The following SHQ1 variants were observed in gnomAD, a reference collection of about 807,000 sequenced individuals.
SHQ1 encodes protein SHQ1 homolog.
A neutral mutation model predicts 53.8 loss-of-function variants in SHQ1; 49 were observed. The observed-to-expected ratio is 0.91, with a 90% CI of 0.72 to 1.16. SHQ1 has a LOEUF of 1.16. SHQ1 is among the 50% of genes most tolerant of loss of function. The probability of loss-of-function intolerance (pLI) is 0.00; values close to 1 mark genes in which losing one functional copy is unlikely to be tolerated. For synonymous variants in SHQ1, 243 were observed against 251.0 expected, an observed-to-expected ratio of 0.97 and a Z score of 0.30; for missense variants, 738 against 683.1, an observed-to-expected ratio of 1.08 and a Z score of -0.90.
intron 10 of SHQ1, among the ~76,000 whole-genome samples, chr3:72,790,219 G>C (rs1212621639): frequency 1.3e-5 from 2 of 152,144 alleles, no homozygotes; most frequent in African/African-American, 2.4e-5. Context: ...ATATCATAGG[G>C]AAAAATAACA....
intron 10 of SHQ1, among the ~76,000 whole-genome samples, chr3:72,757,415 A>G (rs1432604526): frequency 7.2e-6 from 1 of 138,280 alleles, no homozygotes; most frequent in Non-Finnish European, 1.5e-5. Flanking sequence ...ATGGGGTCTC[A>G]CTGCATTGCC....
At chr3:72,809,342 T>C (rs1033462233) in intron 9 of SHQ1, among the ~76,000 whole-genome samples, 1 of 152,140 alleles carries the variant, frequency 6.6e-6, no homozygotes, top group Non-Finnish European at 1.5e-5. Flanking sequence ...GTAAAAGAAC[T>C]TTTTTAAAAT....
intron 10 of SHQ1, among the ~76,000 whole-genome samples, chr3:72,756,401 G>A (rs1275924426): frequency 2.6e-5 from 4 of 152,044 alleles, no homozygotes; most frequent in Non-Finnish European, 4.4e-5. Flanking sequence ...TCAGCCTCCC[G>A]AGTAGCTGGG....
intron 10 of SHQ1, among the ~76,000 whole-genome samples, chr3:72,759,775 T>C (rs1268489354): frequency 2.0e-5 from 3 of 152,212 alleles, no homozygotes; most frequent in Admixed American, 6.5e-5. Context: ...TATTTAACAA[T>C]GTTAACAATA....
downstream of SHQ1, among the ~76,000 whole-genome samples, chr3:72,745,236 C>T (rs1191328710): frequency 6.6e-6 from 1 of 151,856 alleles, no homozygotes; most frequent in Non-Finnish European, 1.5e-5. Context: ...GAATTTGATC[C>T]ACGTAACCAA....
intron 10 of SHQ1, among the ~76,000 whole-genome samples, chr3:72,751,262 A>C (rs1705358897): frequency 6.6e-6 from 1 of 151,866 alleles, no homozygotes; most frequent in Admixed American, 6.6e-5. Context: ...AATACAAAAA[A>C]TTAGCTGGGC....
the SHQ1 span, among the ~76,000 whole-genome samples, chr3:72,733,504 T>A: frequency 1.3e-5 from 2 of 151,492 alleles, no homozygotes; most frequent in South Asian, 4.2e-4. Flanking sequence ...TATGGTCTAG[T>A]CTCCCCTGGA....
At chr3:72,844,543 G>A in intron 1 of SHQ1, 120 bp from the exon 2 acceptor site, 1 of 794,898 alleles carries the variant, frequency 1.3e-6, no homozygotes, top group Non-Finnish European at 2.2e-6. Context: ...AAGTTCCTCA[G>A]TATTTCTTTC....
At chr3:72,751,508 G>GTGTATATATATATATATA (rs1210782182) in intron 10 of SHQ1, among the ~76,000 whole-genome samples, 36 of 116,970 alleles carry the variant, frequency 3.1e-4, no homozygotes, top group African/African-American at 1.3e-3. Context: ...GTGTGTGTGT[G>GTGTATATATATATATATA]TATATATATA....
chr3:72,765,428 ATT>A lies in SHQ1; in HGVS notation c.1182-14594_1182-14593del, dbSNP rs142848539. Among the ~76,000 whole-genome samples, 985 of 129,498 alleles carry A rather than the reference ATT, an allele frequency of 7.6e-3. 16 individuals carry two copies. The highest frequency in any genetic ancestry group is 0.025 in the African/African-American group (880 of 34,926). 85.0% of individuals were successfully genotyped at this position (129,498 alleles called of 152,430 possible). ...TCAGGGCTGCATTTTTCACTGATTC[ATT>A]TTTTTTTTTTTTTAAAGACAGTTTC... On this transcript the variant is annotated intron_variant, in intron 10 of 10. Coordinates refer to ENST00000325599, the MANE Select transcript of SHQ1 (RefSeq NM_018130.3).
At chr3:72,754,738 G>GC (rs1705465478) in intron 10 of SHQ1, among the ~76,000 whole-genome samples, 1 of 152,164 alleles carries the variant, frequency 6.6e-6, no homozygotes, top group Non-Finnish European at 1.5e-5. Context: ...GCTCCACTCA[G>GC]CATCTTCCAA....
At chr3:72,802,993 T>C (rs764178805) in intron 9 of SHQ1, among the ~76,000 whole-genome samples, 16 of 152,204 alleles carry the variant, frequency 1.1e-4, no homozygotes, top group Admixed American at 2.0e-4. Context: ...CTGTATCAGG[T>C]TGAGACTCAG....
the SHQ1 span, among the ~76,000 whole-genome samples, chr3:72,739,204 T>G: frequency 6.6e-6 from 1 of 152,174 alleles, no homozygotes; most frequent in Non-Finnish European, 1.5e-5. Flanking sequence ...GGATGGTTTG[T>G]GTACAAACGA....
At position 72,774,608 on chromosome 3, in the gene SHQ1, A is replaced by C. The variant is rs116115229; in HGVS notation, c.1181+18308T>G. On this transcript the variant is annotated intron_variant, in intron 10 of 10. Transcript: ENST00000325599. ...TAAAATCAGAAAATATGTGGAATGA[A>C]ACAGTAATGAAAATTCAGTACATTT... is the stretch of plus-strand genomic sequence containing the variant. 9.0e-3 allele frequency among the ~76,000 whole-genome samples: 1,372 copies of C among 152,342 alleles called. 16 individuals carry two copies. The highest frequency in any genetic ancestry group is 0.032 in the African/African-American group (1,326 of 41,572).
At chr3:72,780,179 C>T (rs568179927) in intron 10 of SHQ1, among the ~76,000 whole-genome samples, 1 of 152,280 alleles carries the variant, frequency 6.6e-6, no homozygotes, top group South Asian at 2.1e-4. Context: ...CACAATAAAG[C>T]TTCTGAAACA....
intron 10 of SHQ1, among the ~76,000 whole-genome samples, chr3:72,773,901 G>A (rs1473505834): frequency 2.0e-5 from 3 of 152,164 alleles, no homozygotes; most frequent in Non-Finnish European, 4.4e-5. Flanking sequence ...TATGTTCAGA[G>A]CATATTTCTC....
chr3:72,822,060 T>A (rs1335425231), intron 6 of SHQ1, among the ~76,000 whole-genome samples: 3 of 152,184 alleles, frequency 2.0e-5, no homozygotes, highest in Non-Finnish European at 4.4e-5. Flanking sequence ...AATACATCGT[T>A]TCATTCAATC....
At chr3:72,751,494 G>GTACATATATATATATATA (rs1431742565) in intron 10 of SHQ1, among the ~76,000 whole-genome samples, 1 of 97,534 alleles carries the variant, frequency 1.0e-5, no homozygotes, top group African/African-American at 5.5e-5. Flanking sequence ...GTGTGTGTGT[G>GTACATATATATATATATA]TGTGTGTGTG....
intron 10 of SHQ1, among the ~76,000 whole-genome samples, chr3:72,784,268 T>C (rs537760831): frequency 1.3e-5 from 2 of 152,328 alleles, no homozygotes; most frequent in Admixed American, 6.5e-5. Context: ...GAAGCATTCA[T>C]ATCTTTATAA....
Sources: gnomAD v4.1 joint callset for allele counts (sites outside exome capture counted in the v4.1 genomes callset) on GRCh38, gnomAD v4.1.1 for gene constraint, MANE v1.5 for transcripts, NCBI Gene and HGNC (gene_info 2026-07-23, HGNC 2026-07-21) for gene names.